Variants in ATOH8 observed in about 807,000 individuals in gnomAD.
The protein encoded by ATOH8 is transcription factor ATOH8.
ATOH8 carries 9 observed loss-of-function variants against 21.2 expected under a neutral mutation model. That is an observed-to-expected ratio of 0.42 (90% CI 0.26 to 0.74). The LOEUF (loss-of-function observed/expected upper bound fraction) is 0.74, where lower values mean the gene tolerates loss of function less well. Among genes scored for constraint, ATOH8 ranks in the 30% least tolerant of loss-of-function variants. The pLI is 0.24. For missense variants in ATOH8, 524 were observed against 470.9 expected (o/e 1.11, Z -1.04); for synonymous variants, 253 against 224.0 (o/e 1.13, Z -1.16).
chr2:85,755,085 C>T (rs866445898), intron 1 of ATOH8, 128 bp downstream of exon 1: 23 of 1,283,730 alleles, frequency 1.8e-5, no homozygotes, highest in Middle Eastern at 2.7e-4. Context: ...GACCCTGGTG[C>T]CCAGACAGGT....
At chr2:85,774,433 C>A (rs1371111064) in intron 2 of ATOH8, 1 of 985,420 alleles carries the variant, frequency 1.0e-6, no homozygotes, top group Non-Finnish European at 1.2e-6. Flanking sequence ...CCTGCCCCAG[C>A]AGACCAGAAA....
Position 85,774,338 on chromosome 2 carries a change from C to T in ATOH8, c.960+10156C>T, listed in dbSNP as rs76350756. ...CCACTGCTCAGCCTTGAGCCCTGCA[C>T]CTGGCACAGTGCGAGGCCTCAGACA... On this transcript the variant is annotated intron_variant, in intron 2 of 2. Transcript: ENST00000306279. 5.6e-4 allele frequency: 549 copies of T among 985,538 alleles called. 6 individuals are homozygous for T. In the African/African-American group the frequency reaches 9.1e-3, roughly 16 times the overall value. The allele number at this position is 985,538 out of a possible 1,614,324, so 61.0% of individuals were successfully genotyped here. A position where few individuals can be genotyped will look rare whatever the true frequency, so the allele number is the denominator to read the frequency against.
In ATOH8 at chr2:85,754,721, A is replaced by G; in HGVS notation, c.532A>G (p.Thr178Ala). 1.9e-6 allele frequency: 3 copies of G among 1,611,932 alleles called. No homozygotes were observed. The highest frequency in any genetic ancestry group is 2.5e-6 in the Non-Finnish European group (3 of 1,179,484). ...AGCACCGCCAGCGCCCCCGGAGTCC[A>G]CTGTGCGCCCTGCGCCCCCGACGCG... Reference protein sequence around the residue: ...PPAPPAPPESTVRPAPPTRPG... With the variant: ...PPAPPAPPESAVRPAPPTRPG... Residue 178 changes from threonine to alanine, a missense_variant, in exon 1 of 3, where the codon ACT becomes GCT. Coordinates refer to ENST00000306279, the MANE Select transcript of ATOH8 (RefSeq NM_032827.7).
chr2:85,774,991 G>A lies in ATOH8; in HGVS notation c.960+10809G>A, dbSNP rs1201304106. 4.1e-6 allele frequency: 4 copies of A among 985,236 alleles called. No individual in the cohort carries two copies. In the African/African-American group the frequency reaches 7.0e-5, roughly 17 times the overall value. The allele number at this position is 985,236 out of a possible 1,614,324, so 61.0% of individuals were successfully genotyped here. A position where few individuals can be genotyped will look rare whatever the true frequency, so the allele number is the denominator to read the frequency against. On this transcript the variant is annotated intron_variant, in intron 2 of 2. Coordinates refer to ENST00000306279, the MANE Select transcript of ATOH8 (RefSeq NM_032827.7). Reference sequence around the variant, plus strand: ...GTGTCGTAGCACAGGGATGCTTTTGGTCTAATTCAGGAGAGCATCATGTGA... The same window carrying A: ...GTGTCGTAGCACAGGGATGCTTTTGATCTAATTCAGGAGAGCATCATGTGA...
intron 1 of ATOH8, among the ~76,000 whole-genome samples, chr2:85,757,942 C>T (rs1452511208): frequency 1.3e-5 from 2 of 151,986 alleles, no homozygotes; most frequent in Admixed American, 6.6e-5. Flanking sequence ...CGCACCACCA[C>T]ACCTGGGTAA....
chr2:85,775,089 T>G, intron 2 of ATOH8: 2 of 950,248 alleles, frequency 2.1e-6, no homozygotes, highest in Non-Finnish European at 2.5e-6. Flanking sequence ...AGATTTCATG[T>G]CATTACATTG....
In ATOH8 at chr2:85,762,187, A is replaced by G. The variant is rs1261840882; in HGVS notation, c.769-1804A>G. 4.3e-4 allele frequency among the ~76,000 whole-genome samples: 66 copies of G among 152,206 alleles called. 1 individual carries two copies. Among genetic ancestry groups the G allele is most frequent in the Non-Finnish European group, 8.8e-5 (6 of 68,038 alleles). On this transcript the variant is annotated intron_variant, in intron 1 of 2. Coordinates refer to ENST00000306279, the MANE Select transcript of ATOH8 (RefSeq NM_032827.7). Reference sequence around the variant, plus strand: ...CATTTAATCCTTACCTCCTTGTGAGATCAGTCCTGTTCCCAATATGACAAG... The same window carrying G: ...CATTTAATCCTTACCTCCTTGTGAGGTCAGTCCTGTTCCCAATATGACAAG...
intron 2 of ATOH8, among the ~76,000 whole-genome samples, chr2:85,767,584 T>TCCCTCCCCTG (rs1558611981): frequency 4.9e-5 from 5 of 102,746 alleles, no homozygotes; most frequent in African/African-American, 7.5e-5. Flanking sequence ...CCCCTCTCCT[T>TCCCTCCCCTG]CCCTTCCCTT....
rs1680738321 is a variant in ATOH8 at position 85,790,425 on chromosome 2, C to G, written c.*3535C>G. ...CACAGGCCAAGCTTTGCAAGACTCT[C>G]CAAAGACTGCCCACAGACTGTGCTG... On this transcript the variant is annotated 3_prime_UTR_variant, in exon 3 of 3. Coordinates refer to ENST00000306279, the MANE Select transcript of ATOH8 (RefSeq NM_032827.7). 6.6e-6 allele frequency among the ~76,000 whole-genome samples: 1 copy of G among 152,190 alleles called. No individual in the cohort carries two copies. The highest frequency in any genetic ancestry group is 2.4e-5 in the African/African-American group (1 of 41,446).
At chr2:85,768,555 G>A (rs753965749) in intron 2 of ATOH8, among the ~76,000 whole-genome samples, 6 of 151,294 alleles carry the variant, frequency 4.0e-5, no homozygotes, top group Non-Finnish European at 5.9e-5. Context: ...TGCAGGGACT[G>A]CTTCCCTCAG....
At chr2:85,764,226 G>T (rs1172475599) in intron 2 of ATOH8, 44 bp downstream of exon 2, 2 of 1,605,822 alleles carry the variant, frequency 1.2e-6, no homozygotes, top group Non-Finnish European at 8.5e-7. Context: ...GGAGCATAGG[G>T]GAGGCAGGGA....
chr2:85,786,882 C>T lies in ATOH8; in HGVS notation c.961-3C>T, dbSNP rs745677903. 20 of 1,614,082 alleles carry T rather than the reference C, an allele frequency of 1.2e-5. No individual in the cohort carries two copies. Among genetic ancestry groups the T allele is most frequent in the Non-Finnish European group, 1.7e-5 (20 of 1,180,016 alleles). On this transcript the variant is annotated splice_region_variant and splice_polypyrimidine_tract_variant and intron_variant, in intron 2 of 2. Transcript: ENST00000306279. ...GCTTTTAATGGCTGGTCATGTCTTT[C>T]AGGAGTGACTGGCTGCAGGCAAGAC... is the stretch of plus-strand genomic sequence containing the variant.
intron 2 of ATOH8, chr2:85,772,911 C>T (rs1264439581): frequency 2.3e-6 from 1 of 427,678 alleles, no homozygotes. Flanking sequence ...CTCATTAGTG[C>T]TCCTGACACT....
intron 2 of ATOH8, among the ~76,000 whole-genome samples, chr2:85,770,228 G>A (rs1233401278): frequency 1.3e-5 from 2 of 152,132 alleles, no homozygotes; most frequent in Admixed American, 6.5e-5. Flanking sequence ...TGGTGAGTCC[G>A]GGGCTCCCTG....
chr2:85,759,990 G>A (rs967972379), intron 1 of ATOH8, among the ~76,000 whole-genome samples: 4 of 152,140 alleles, frequency 2.6e-5, no homozygotes, highest in Non-Finnish European at 5.9e-5. Flanking sequence ...CATTTTACTG[G>A]TGAGGAAACT....
At position 85,754,442 on chromosome 2, in the gene ATOH8, C is replaced by A; in HGVS notation, c.253C>A (p.Pro85Thr). The A allele has an allele frequency of 6.6e-7, 1 of 1,516,710 alleles. No homozygotes were observed. The highest frequency in any genetic ancestry group is 2.2e-5 in the Admixed American group (1 of 45,720). 94.0% of individuals were successfully genotyped at this position (1,516,710 alleles called of 1,614,324 possible). A position where few individuals can be genotyped will look rare whatever the true frequency, so the allele number is the denominator to read the frequency against. ...GCCAGTCCCAGTGGCGCCGGCCGTTCCCCCAAGAGGGGGCACGGACACAGC... is the reference window on the plus strand; with the variant it reads ...GCCAGTCCCAGTGGCGCCGGCCGTTACCCCAAGAGGGGGCACGGACACAGC... ...PVPVPVAPAV[P>T]PRGGTDTAGE... Residue 85 changes from proline to threonine, a missense_variant, in exon 1 of 3, where the codon CCC (proline) becomes ACC (threonine). By Grantham distance (38) the Pro-to-Thr change is conservative. Coordinates refer to ENST00000306279, the MANE Select transcript of ATOH8 (RefSeq NM_032827.7).
In ATOH8 at chr2:85,766,763, G is replaced by A. The variant is rs1573527035; in HGVS notation, c.960+2581G>A. ...GCAGGCCCCTGTGTCCCGCTTCTGG[G>A]CACCTATGCTTTTGCGGTCATAATT... On this transcript the variant is annotated intron_variant, in intron 2 of 2. Transcript: ENST00000306279. This position sits in a 1 kb window ranked among gnomAD's most constrained non-coding sequence, Gnocchi z 4.0. Among the ~76,000 whole-genome samples the A allele has an allele frequency of 6.6e-6, 1 of 152,278 alleles. No individual in the cohort carries two copies. The highest frequency in any genetic ancestry group is 2.1e-4 in the South Asian group (1 of 4,822).
At chr2:85,774,707 T>C (rs889384985) in intron 2 of ATOH8, 55 of 985,364 alleles carry the variant, frequency 5.6e-5, no homozygotes, top group Non-Finnish European at 6.3e-5. Flanking sequence ...GGCCAAGGGA[T>C]GAGGCCAGAC....
chr2:85,763,107 C>G (rs189661656), intron 1 of ATOH8, among the ~76,000 whole-genome samples: 2 of 152,216 alleles, frequency 1.3e-5, no homozygotes, highest in East Asian at 3.9e-4. Flanking sequence ...AACAGTACAT[C>G]ATAGGAACAG....
Sources: gnomAD v4.1 joint callset for allele counts (sites outside exome capture counted in the v4.1 genomes callset) on GRCh38, gnomAD v4.1.1 for gene constraint, Gnocchi (gnomAD v3.1) non-coding constraint, MANE v1.5 for transcripts, NCBI Gene and HGNC (gene_info 2026-07-23, HGNC 2026-07-21) for gene names.